Variants in CAMTA1 observed in about 807,000 individuals in gnomAD.
CAMTA1 encodes calmodulin-binding transcription activator 1.
In CAMTA1, 27 loss-of-function variants were observed where a neutral mutation model predicts 170.9. That is an observed-to-expected ratio of 0.16 (90% CI 0.12 to 0.22). The LOEUF (loss-of-function observed/expected upper bound fraction) is 0.22, where lower values mean the gene tolerates loss of function less well. Among genes scored for constraint, CAMTA1 ranks in the 10% least tolerant of loss-of-function variants. CAMTA1 has a pLI of 1.00. For missense variants in CAMTA1, 1,619 were observed against 2,217.2 expected, an observed-to-expected ratio of 0.73 and a Z score of 5.42; for synonymous variants, 833 against 891.5, an observed-to-expected ratio of 0.93 and a Z score of 1.17.
intron 4 of CAMTA1, among the ~76,000 whole-genome samples, chr1:7,203,537 T>C (rs6672171): frequency 0.48 from 71,828 of 148,780 alleles, 19,019 homozygotes; most frequent in South Asian, 0.61. Flanking sequence ...TCATTTGTTA[T>C]AGGTATTAAT....
At chr1:7,690,465 C>T (rs767438159) in intron 11 of CAMTA1, among the ~76,000 whole-genome samples, 9 of 152,236 alleles carry the variant, frequency 5.9e-5, no homozygotes, top group Non-Finnish European at 1.0e-4. Flanking sequence ...GGAACTCTAC[C>T]CCAGCCCCAC....
chr1:6,794,449 A>G (rs1388905312), intron 1 of CAMTA1, among the ~76,000 whole-genome samples: 6 of 152,228 alleles, frequency 3.9e-5, no homozygotes, highest in Admixed American at 6.5e-5. Context: ...TTTTAACTTA[A>G]TAAGATCTTC....
chr1:7,345,451 G>A (rs749757676), intron 5 of CAMTA1, among the ~76,000 whole-genome samples: 1 of 152,166 alleles, frequency 6.6e-6, no homozygotes, highest in Non-Finnish European at 1.5e-5. Context: ...TCCCATGATC[G>A]CCTGCTGTCT....
chr1:7,639,985 A>G (rs1434598630), intron 6 of CAMTA1, among the ~76,000 whole-genome samples: 1 of 152,104 alleles, frequency 6.6e-6, no homozygotes, highest in African/African-American at 2.4e-5. Flanking sequence ...GGGAGAGGGC[A>G]GTGGCTGTGG....
At chr1:7,418,159 G>A (rs1303167319) in intron 5 of CAMTA1, among the ~76,000 whole-genome samples, 1 of 152,026 alleles carries the variant, frequency 6.6e-6, no homozygotes, top group African/African-American at 2.4e-5. Flanking sequence ...GGATTCCAGA[G>A]TCCACTTCCT....
intron 3 of CAMTA1, among the ~76,000 whole-genome samples, chr1:6,854,034 A>T (rs2148831376): frequency 6.6e-6 from 1 of 152,326 alleles, no homozygotes; most frequent in South Asian, 2.1e-4. Context: ...GATTTCCATA[A>T]CATAATGAAC....
chr1:7,263,065 A>T (rs1381129310), intron 5 of CAMTA1, among the ~76,000 whole-genome samples: 2 of 152,100 alleles, frequency 1.3e-5, no homozygotes, highest in Non-Finnish European at 2.9e-5. Context: ...TGGAAACGAG[A>T]TGCGACACGG....
intron 7 of CAMTA1, among the ~76,000 whole-genome samples, chr1:7,659,794 G>A (rs1280281702): frequency 6.6e-6 from 1 of 152,244 alleles, no homozygotes; most frequent in Non-Finnish European, 1.5e-5. Flanking sequence ...CACTAGTGAT[G>A]TTATGACAAC....
Position 7,488,971 on chromosome 1 carries a change from G to GCA in CAMTA1, c.510+21084_510+21085dup, listed in dbSNP as rs534918581. Among the ~76,000 whole-genome samples, 187 of 151,210 alleles carry GCA rather than the reference G, an allele frequency of 1.2e-3. No homozygotes were observed. The South Asian group carries it at 0.03, about 24-fold the overall frequency. On this transcript the variant is annotated intron_variant, in intron 6 of 22. Transcript: ENST00000303635. ...TTCACACATACACATATACATACAA[G>GCA]CACACACACACACACGCTGCCACCC... is the stretch of plus-strand genomic sequence containing the variant.
At position 7,680,883 on chromosome 1, in the gene CAMTA1, C is replaced by T. The variant is rs1195503773; in HGVS notation, c.2914+3150C>T. Among the ~76,000 whole-genome samples the T allele has an allele frequency of 6.6e-6, 1 of 150,922 alleles. No individual in the cohort carries two copies. The highest frequency in any genetic ancestry group is 1.5e-5 in the Non-Finnish European group (1 of 67,580). ...GCGCCAGCAGCAGCAGCAGCAGCAGCTGCTGCGGCGAAGTCTTTGTCCCCG... is the reference window on the plus strand; with the variant it reads ...GCGCCAGCAGCAGCAGCAGCAGCAGTTGCTGCGGCGAAGTCTTTGTCCCCG... On this transcript the variant is annotated intron_variant, in intron 11 of 22. Coordinates refer to ENST00000303635, the MANE Select transcript of CAMTA1 (RefSeq NM_015215.4). This position sits in a 1 kb window ranked among gnomAD's most constrained non-coding sequence, Gnocchi z 4.4.
chr1:7,063,873 T>G lies in CAMTA1; in HGVS notation c.235-27431T>G, dbSNP rs1488144147. ...TGGGGGAGAGAGAAAAATAAATTCA[T>G]GTACTAGTCTGCTCAGGCTGCTGTA... On this transcript the variant is annotated intron_variant, in intron 3 of 22. Coordinates refer to ENST00000303635, the MANE Select transcript of CAMTA1 (RefSeq NM_015215.4). The surrounding 1 kb of genome is among the most constrained non-coding windows in gnomAD (Gnocchi z 4.3). Among the ~76,000 whole-genome samples the G allele has an allele frequency of 6.6e-6, 1 of 152,218 alleles. No individual in the cohort carries two copies. Among genetic ancestry groups the G allele is most frequent in the South Asian group, 2.1e-4 (1 of 4,822 alleles).
intron 3 of CAMTA1, among the ~76,000 whole-genome samples, chr1:6,949,781 C>T (rs1242792541): frequency 1.3e-5 from 2 of 152,250 alleles, no homozygotes; most frequent in Non-Finnish European, 2.9e-5. Context: ...CGTTGCATCC[C>T]CAAAGCCACA....
chr1:7,136,788 G>A (rs371999068), intron 4 of CAMTA1, among the ~76,000 whole-genome samples: 1 of 152,110 alleles, frequency 6.6e-6, no homozygotes, highest in East Asian at 1.9e-4. Flanking sequence ...TCGTGAAACC[G>A]CTCTGTCCTG....
At chr1:7,487,036 C>G (rs1378862746) in intron 6 of CAMTA1, among the ~76,000 whole-genome samples, 1 of 152,210 alleles carries the variant, frequency 6.6e-6, no homozygotes, top group Non-Finnish European at 1.5e-5. Context: ...GGAAAAATCC[C>G]TAACAAATGT....
intron 3 of CAMTA1, among the ~76,000 whole-genome samples, chr1:7,056,808 GTT>G (rs781737295): frequency 2.5e-4 from 38 of 152,300 alleles, no homozygotes; most frequent in South Asian, 1.0e-3. Flanking sequence ...TTTCAAAGGA[GTT>G]TTGACAGGTG....
chr1:7,237,002 G>C (rs1490840168), intron 4 of CAMTA1, among the ~76,000 whole-genome samples: 1 of 152,210 alleles, frequency 6.6e-6, no homozygotes, highest in Non-Finnish European at 1.5e-5. Flanking sequence ...ATTGACATTT[G>C]GGGTCAGGGC....
chr1:7,376,575 T>G lies in CAMTA1; in HGVS notation c.439-91255T>G, dbSNP rs192724146. The stretch of plus-strand genomic sequence containing the variant: ...ACTCATGCAGCAGAAGGGGTCAGTA[T>G]TAGCTGGGCTTCATTGTCCTCCCTC... On this transcript the variant is annotated intron_variant, in intron 5 of 22. Transcript: ENST00000303635. Among the ~76,000 whole-genome samples, 504 of 152,296 alleles carry G rather than the reference T, an allele frequency of 3.3e-3. 3 individuals are homozygous for G. Among genetic ancestry groups the G allele is most frequent in the African/African-American group, 0.012 (491 of 41,542 alleles).
chr1:7,734,823 T>C (rs550122281), intron 12 of CAMTA1, among the ~76,000 whole-genome samples: 1 of 152,312 alleles, frequency 6.6e-6, no homozygotes, highest in African/African-American at 2.4e-5. Context: ...GTAAAGTTTA[T>C]GGAGTTTATT....
intron 22 of CAMTA1, among the ~76,000 whole-genome samples, chr1:7,759,940 G>T (rs2096962037): frequency 6.6e-6 from 1 of 152,190 alleles, no homozygotes; most frequent in Non-Finnish European, 1.5e-5. Flanking sequence ...ACCGCTCTTT[G>T]AAAAGCAATT....
Sources: allele counts gnomAD v4.1 joint callset (sites outside exome capture counted in the v4.1 genomes callset), GRCh38; gene constraint gnomAD v4.1.1; non-coding constraint Gnocchi (gnomAD v3.1); transcripts MANE v1.5; gene names NCBI Gene and HGNC (gene_info 2026-07-23, HGNC 2026-07-21).